HTR1E: variants seen among roughly 807,000 people sequenced by gnomAD.
HTR1E encodes the protein 5-HT-1E.
In HTR1E, 3 loss-of-function variants were observed where a neutral mutation model predicts 3.4. The observed-to-expected ratio is 0.89, with a 90% CI of 0.41 to 2.31. The LOEUF (loss-of-function observed/expected upper bound fraction) is 2.31. Among genes scored for constraint, HTR1E ranks in the 30% most tolerant of loss-of-function variants. HTR1E has a pLI of 0.05. For synonymous variants in HTR1E, 170 were observed against 182.8 expected (o/e 0.93, Z 0.56); for missense variants, 392 against 467.0 (o/e 0.84, Z 1.48).
chr6:87,016,375 T>C lies in HTR1E; in HGVS notation c.1041T>C (p.Phe347=). 1 of 1,612,496 alleles carries C rather than the reference T, an allele frequency of 6.2e-7. No individual in the cohort carries two copies. The highest frequency in any genetic ancestry group is 8.5e-7 in the Non-Finnish European group (1 of 1,178,658). ...TCAACCCTCTGCTCTATACGAGTTT[T>C]AATGAAGACTTTAAGCTGGCTTTTA... ...SLINPLLYTS[F]NEDFKLAFKK... The change falls in exon 2 of 2, where the codon TTT becomes TTC. Residue 347 remains phenylalanine, a synonymous_variant. Transcript: ENST00000305344.
Position 87,016,179 on chromosome 6 carries a change from C to T in HTR1E, c.845C>T (p.Ser282Phe). 1 of 1,614,188 alleles carries T rather than the reference C, an allele frequency of 6.2e-7. No homozygotes were observed. Among genetic ancestry groups the T allele is most frequent in the Non-Finnish European group, 8.5e-7 (1 of 1,180,036 alleles). The change falls in exon 2 of 2, where the codon TCT (serine) becomes TTT (phenylalanine). Residue 282 changes from serine to phenylalanine, a missense_variant. This residue lies in a region of HTR1E where 178 missense variants were observed against 164.9 expected (regional missense o/e 1.08). Transcript: ENST00000305344. ...CACCCAGGAGAACGTCAGCAGATCT[C>T]TAGCACCAGGGAACGGAAGGCAGCA... ...LDHPGERQQI[S>F]STRERKAARI...
intron 1 of HTR1E, among the ~76,000 whole-genome samples, chr6:86,944,602 G>T (rs1184022459): frequency 6.6e-6 from 1 of 152,214 alleles, no homozygotes; most frequent in Non-Finnish European, 1.5e-5. Flanking sequence ...ACCTTGCTGT[G>T]TGTGTGACCT....
At chr6:87,014,616 C>T (rs1202649725) in intron 1 of HTR1E, among the ~76,000 whole-genome samples, 6 of 152,128 alleles carry the variant, frequency 3.9e-5, no homozygotes, top group Admixed American at 3.3e-4. Flanking sequence ...TCATGGAATA[C>T]TATGCAGCCA....
chr6:87,014,479 T>G (rs558649456), intron 1 of HTR1E, among the ~76,000 whole-genome samples: 14 of 152,240 alleles, frequency 9.2e-5, no homozygotes, highest in African/African-American at 3.1e-4. Context: ...GGATTTTAAA[T>G]TATTCTACTC....
chr6:86,982,023 G>C (rs1299223513), intron 1 of HTR1E, among the ~76,000 whole-genome samples: 1 of 152,150 alleles, frequency 6.6e-6, no homozygotes, highest in Non-Finnish European at 1.5e-5. Flanking sequence ...TGTGCCTCTA[G>C]CAATATCTAC....
intron 1 of HTR1E, among the ~76,000 whole-genome samples, chr6:87,013,199 G>A (rs1196557461): frequency 2.0e-5 from 3 of 152,086 alleles, no homozygotes; most frequent in Admixed American, 6.6e-5. Flanking sequence ...TGCCAAAGTC[G>A]GCCTTAACAT....
intron 1 of HTR1E, among the ~76,000 whole-genome samples, chr6:87,002,497 A>C (rs1768039253): frequency 6.6e-6 from 1 of 152,148 alleles, no homozygotes; most frequent in South Asian, 2.1e-4. Flanking sequence ...TGACTGGTAC[A>C]TTTTACAGAG....
At chr6:86,938,271 G>A (rs1768498327) in intron 1 of HTR1E, among the ~76,000 whole-genome samples, 1 of 152,174 alleles carries the variant, frequency 6.6e-6, no homozygotes. Flanking sequence ...CCTTTGATTA[G>A]AAAGGACTGC....
chr6:86,939,942 A>T (rs2127814494), intron 1 of HTR1E, among the ~76,000 whole-genome samples: 1 of 152,298 alleles, frequency 6.6e-6, no homozygotes, highest in Non-Finnish European at 1.5e-5. Flanking sequence ...ATTTCTTCTT[A>T]TCGATGCCTG....
chr6:86,988,369 A>C (rs992682900), intron 1 of HTR1E, among the ~76,000 whole-genome samples: 1 of 152,194 alleles, frequency 6.6e-6, no homozygotes, highest in African/African-American at 2.4e-5. Context: ...ATTTCATGAA[A>C]GCCAGCAGAA....
intron 1 of HTR1E, among the ~76,000 whole-genome samples, chr6:87,007,152 T>G (rs921008972): frequency 6.6e-6 from 1 of 152,184 alleles, no homozygotes; most frequent in African/African-American, 2.4e-5. Flanking sequence ...TAAAAAAGAA[T>G]GAGATCCTGT....
intron 1 of HTR1E, among the ~76,000 whole-genome samples, chr6:87,002,040 A>T (rs939142057): frequency 2.0e-5 from 3 of 152,238 alleles, no homozygotes; most frequent in African/African-American, 7.2e-5. Context: ...TTATATAATG[A>T]TTAAAGGGGT....
chr6:86,954,028 C>G (rs1767287778), intron 1 of HTR1E, among the ~76,000 whole-genome samples: 1 of 152,180 alleles, frequency 6.6e-6, no homozygotes, highest in African/African-American at 2.4e-5. Flanking sequence ...CCTCCTCCAA[C>G]ATTGGGAATT....
chr6:86,965,190 C>T (rs1408112970), intron 1 of HTR1E, among the ~76,000 whole-genome samples: 1 of 152,210 alleles, frequency 6.6e-6, no homozygotes, highest in Non-Finnish European at 1.5e-5. Flanking sequence ...CCATCCTGGG[C>T]ATGCTCACTG....
chr6:86,960,575 A>G (rs1186828299), intron 1 of HTR1E, among the ~76,000 whole-genome samples: 3 of 152,196 alleles, frequency 2.0e-5, no homozygotes, highest in South Asian at 4.1e-4. Context: ...CGGTTGTTCA[A>G]TCAAGATCCA....
intron 1 of HTR1E, among the ~76,000 whole-genome samples, chr6:86,968,473 A>C (rs1288851807): frequency 1.3e-5 from 2 of 152,194 alleles, no homozygotes; most frequent in East Asian, 3.8e-4. Flanking sequence ...CACCAACACA[A>C]TGTGTTATCA....
intron 1 of HTR1E, among the ~76,000 whole-genome samples, chr6:86,961,019 T>C (rs1767400813): frequency 6.6e-6 from 1 of 152,234 alleles, no homozygotes; most frequent in Non-Finnish European, 1.5e-5. Flanking sequence ...TAATTATAAG[T>C]AGAAAATAAT....
chr6:86,962,596 G>A lies in HTR1E; in HGVS notation c.-186+24773G>A, dbSNP rs142007617. 9.4e-4 allele frequency among the ~76,000 whole-genome samples: 143 copies of A among 152,264 alleles called. 1 individual carries two copies. The highest frequency in any genetic ancestry group is 3.3e-3 in the African/African-American group (136 of 41,548). ...CTCACACCTGTAGTCCCAACACTTT[G>A]GGAGGCTGAGGTGGGCAGATCACTT... On this transcript the variant is annotated intron_variant, in intron 1 of 1. Coordinates refer to ENST00000305344, the MANE Select transcript of HTR1E (RefSeq NM_000865.3).
At chr6:86,983,056 T>C (rs575235900) in intron 1 of HTR1E, among the ~76,000 whole-genome samples, 1 of 152,304 alleles carries the variant, frequency 6.6e-6, no homozygotes, top group South Asian at 2.1e-4. Context: ...ATAATGTAAA[T>C]TTATCTCTTG....
Sources: allele counts gnomAD v4.1 joint callset (sites outside exome capture counted in the v4.1 genomes callset), GRCh38; gene constraint gnomAD v4.1.1; regional missense constraint gnomAD v4.1.1; transcripts MANE v1.5; gene names NCBI Gene and HGNC (gene_info 2026-07-23, HGNC 2026-07-21).